The following MTUS1 variants were observed in gnomAD, a reference collection of about 807,000 sequenced individuals.
MTUS1 encodes microtubule-associated tumor suppressor 1.
Under a neutral mutation model 120.8 loss-of-function variants are expected in MTUS1, and 109 were observed. That is an observed-to-expected ratio of 0.90 (90% CI 0.77 to 1.06). The LOEUF (loss-of-function observed/expected upper bound fraction) is 1.06. Ranked by LOEUF, MTUS1 falls within the 50% of genes least tolerant of loss-of-function variation. The probability of loss-of-function intolerance (pLI) is 0.00; values close to 1 mark genes in which losing one functional copy is unlikely to be tolerated. For missense variants in MTUS1, 2,210 were observed against 1,486.3 expected (o/e 1.49, Z -8.01); for synonymous variants, 737 against 550.5 (o/e 1.34, Z -4.74).
intron 6 of MTUS1, among the ~76,000 whole-genome samples, chr8:17,703,092 T>G (rs1050938539): frequency 6.6e-6 from 1 of 152,110 alleles, no homozygotes; most frequent in Non-Finnish European, 1.5e-5. Context: ...ACCTTGAAAA[T>G]GAACACAATA....
At chr8:17,714,794 T>C (rs965568960) in intron 5 of MTUS1, among the ~76,000 whole-genome samples, 8 of 151,412 alleles carry the variant, frequency 5.3e-5, no homozygotes, top group Admixed American at 3.3e-4. Context: ...TTCCAAATTC[T>C]CTAACATAAA....
intron 1 of MTUS1, among the ~76,000 whole-genome samples, chr8:17,787,981 C>T (rs1039984934): frequency 6.6e-6 from 1 of 152,058 alleles, no homozygotes; most frequent in Non-Finnish European, 1.5e-5. Flanking sequence ...ATTAGCTGGG[C>T]GTGGTGGTGG....
intron 2 of MTUS1, among the ~76,000 whole-genome samples, chr8:17,752,724 AG>A (rs1431715722): frequency 1.3e-5 from 2 of 152,068 alleles, no homozygotes; most frequent in African/African-American, 2.4e-5. Flanking sequence ...GAGCCCTCCA[AG>A]GGACAGGCTG....
chr8:17,747,801 G>C (rs1419502447), intron 2 of MTUS1, among the ~76,000 whole-genome samples: 1 of 152,116 alleles, frequency 6.6e-6, no homozygotes. Flanking sequence ...ACAAAAGAAA[G>C]AGGTTTAATT....
chr8:17,788,947 C>T (rs1260795000), intron 1 of MTUS1, among the ~76,000 whole-genome samples: 1 of 151,984 alleles, frequency 6.6e-6, no homozygotes, highest in African/African-American at 2.4e-5. Flanking sequence ...CACCATCTAC[C>T]CCCAGGGCTT....
At chr8:17,770,173 A>G (rs932015019) in intron 1 of MTUS1, among the ~76,000 whole-genome samples, 2 of 152,202 alleles carry the variant, frequency 1.3e-5, no homozygotes, top group African/African-American at 4.8e-5. Flanking sequence ...AGAGCCCTGC[A>G]TTTGATTATT....
chr8:17,741,300 T>C (rs1405912496), intron 3 of MTUS1, among the ~76,000 whole-genome samples: 4 of 152,130 alleles, frequency 2.6e-5, no homozygotes, highest in African/African-American at 9.7e-5. Flanking sequence ...ACATTGCAGG[T>C]TGGGGCTTCA....
intron 6 of MTUS1, among the ~76,000 whole-genome samples, chr8:17,690,040 A>C (rs570496686): frequency 6.1e-4 from 93 of 152,344 alleles, no homozygotes; most frequent in African/African-American, 2.2e-3. Context: ...ACTTAAACTA[A>C]AAAGGTTCTG....
intron 1 of MTUS1, among the ~76,000 whole-genome samples, chr8:17,756,544 GA>G (rs1014442476): frequency 1.2e-4 from 18 of 150,464 alleles, no homozygotes; most frequent in African/African-American, 4.0e-4. Flanking sequence ...AATTGAAGGG[GA>G]AAAAAAAATT....
intron 7 of MTUS1, among the ~76,000 whole-genome samples, chr8:17,683,114 T>C (rs1161630388): frequency 4.6e-5 from 7 of 152,102 alleles, no homozygotes; most frequent in East Asian, 1.9e-4. Context: ...CTACTAAAAA[T>C]ACAAAAAACT....
intron 1 of MTUS1, among the ~76,000 whole-genome samples, chr8:17,800,240 C>CCCT (rs1277935850): frequency 6.6e-6 from 1 of 152,144 alleles, no homozygotes; most frequent in Non-Finnish European, 1.5e-5. Context: ...CCTACTCCCA[C>CCCT]CCTCCAGCCC....
intron 6 of MTUS1, among the ~76,000 whole-genome samples, chr8:17,701,267 T>C (rs1311364393): frequency 6.6e-6 from 1 of 152,182 alleles, no homozygotes; most frequent in Non-Finnish European, 1.5e-5. Flanking sequence ...TGTAGTAAGT[T>C]CAATTCTCTA....
At chr8:17,652,893 T>G (rs1190668679) in intron 12 of MTUS1, among the ~76,000 whole-genome samples, 1 of 152,096 alleles carries the variant, frequency 6.6e-6, no homozygotes, top group Non-Finnish European at 1.5e-5. Context: ...TACAGTGATT[T>G]TTTTTTTAAA....
chr8:17,726,866 C>A (rs375294758), intron 3 of MTUS1, among the ~76,000 whole-genome samples: 1 of 152,210 alleles, frequency 6.6e-6, no homozygotes. Flanking sequence ...GACTGGGCCA[C>A]AGCCACAGTG....
chr8:17,651,090 G>A (rs1806884324), intron 12 of MTUS1, among the ~76,000 whole-genome samples: 1 of 152,188 alleles, frequency 6.6e-6, no homozygotes, highest in Admixed American at 6.5e-5. Context: ...GATCAGGAAA[G>A]CTTCCAGAGC....
chr8:17,743,887 C>G, intron 2 of MTUS1, 88 bp from the exon 3 acceptor site: 1 of 1,171,320 alleles, frequency 8.5e-7, no homozygotes, highest in Non-Finnish European at 1.2e-6. Flanking sequence ...TAGGCCAAGG[C>G]AATTCCAAAG....
chr8:17,689,266 G>A (rs1047355242), intron 6 of MTUS1, among the ~76,000 whole-genome samples: 4 of 152,124 alleles, frequency 2.6e-5, no homozygotes, highest in African/African-American at 9.7e-5. Context: ...ATTATTTGTA[G>A]GGGGAGGGAG....
rs201957190 is a variant in MTUS1 at position 17,684,498 on chromosome 8, G to C, written c.2668C>G (p.Pro890Ala). The change falls in exon 7 of 15, where the codon CCA (proline) becomes GCA (alanine). Residue 890 changes from proline to alanine, a missense_variant. By Grantham distance (27) the Pro-to-Ala change is conservative. Coordinates refer to ENST00000693296, the MANE Select transcript of MTUS1 (RefSeq NM_001363059.2). Reference sequence around the variant, plus strand: ...GGCAGCGCATCGGGAGCTGTCTGTGGCTGGATACATAAGCTTCGAGGATTC... The same window carrying C: ...GGCAGCGCATCGGGAGCTGTCTGTGCCTGGATACATAAGCTTCGAGGATTC... ...QKNPRSLCIQPQTAPDALPPE... is the reference protein window; with the variant it reads ...QKNPRSLCIQAQTAPDALPPE... 6.2e-6 allele frequency: 10 copies of C among 1,614,000 alleles called. No homozygotes were observed. Among genetic ancestry groups the C allele is most frequent in the Admixed American group, 1.7e-5 (1 of 60,000 alleles).
intron 7 of MTUS1, among the ~76,000 whole-genome samples, chr8:17,681,108 A>G (rs568375085): frequency 1.5e-4 from 23 of 151,968 alleles, no homozygotes; most frequent in African/African-American, 4.8e-4. Flanking sequence ...TAATTTTTGT[A>G]GTTTTAGGGG....
Sources: allele counts gnomAD v4.1 joint callset (sites outside exome capture counted in the v4.1 genomes callset), GRCh38; gene constraint gnomAD v4.1.1; transcripts MANE v1.5; gene names NCBI Gene and HGNC (gene_info 2026-07-23, HGNC 2026-07-21).